The following ICA1 variants were observed in gnomAD, a reference collection of about 807,000 sequenced individuals.
The protein encoded by ICA1 is islet cell autoantigen 1.
A neutral mutation model predicts 71.0 loss-of-function variants in ICA1; 40 were observed. The observed-to-expected ratio is 0.56, with a 90% CI of 0.44 to 0.73. The LOEUF is 0.73. ICA1 is among the 30% of genes least tolerant of loss of function. ICA1 has a pLI of 0.00. For missense variants in ICA1, 578 were observed against 576.5 expected, an observed-to-expected ratio of 1.00 and a Z score of -0.03; for synonymous variants, 207 against 209.5, an observed-to-expected ratio of 0.99 and a Z score of 0.10.
intron 1 of ICA1, among the ~76,000 whole-genome samples, chr7:8,251,380 G>A (rs1178911546): frequency 6.6e-6 from 1 of 150,448 alleles, no homozygotes; most frequent in Non-Finnish European, 1.5e-5. Context: ...CCATGACTAT[G>A]TCACACACTT....
At chr7:8,157,540 T>G in intron 7 of ICA1, 1 of 277,222 alleles carries the variant, frequency 3.6e-6, no homozygotes. Flanking sequence ...CCTCAGCTGA[T>G]TCTATTTCTC....
intron 6 of ICA1, among the ~76,000 whole-genome samples, chr7:8,208,669 G>T (rs1200638964): frequency 1.3e-5 from 2 of 152,186 alleles, no homozygotes; most frequent in Non-Finnish European, 2.9e-5. Flanking sequence ...AGAGGCGAGA[G>T]ATAGTAACCA....
At chr7:8,125,362 T>A (rs1788777531) in intron 13 of ICA1, among the ~76,000 whole-genome samples, 1 of 152,206 alleles carries the variant, frequency 6.6e-6, no homozygotes, top group South Asian at 2.1e-4. Flanking sequence ...TGAAGACCCT[T>A]CACTGTGCCA....
intron 9 of ICA1, among the ~76,000 whole-genome samples, chr7:8,143,617 C>T (rs1369796543): frequency 6.6e-6 from 1 of 152,198 alleles, no homozygotes; most frequent in Admixed American, 6.5e-5. Context: ...GACATTTGCC[C>T]TGTCTTGTTC....
At chr7:8,162,526 G>A (rs944739722) in intron 6 of ICA1, among the ~76,000 whole-genome samples, 2 of 152,130 alleles carry the variant, frequency 1.3e-5, no homozygotes, top group African/African-American at 4.8e-5. Context: ...CCAAGCATAG[G>A]CCACTATCAA....
chr7:8,117,537 TTTTG>T (rs1350804350), intron 13 of ICA1, among the ~76,000 whole-genome samples: 4 of 152,348 alleles, frequency 2.6e-5, no homozygotes, highest in East Asian at 3.9e-4. Flanking sequence ...ACAAGGAATT[TTTTG>T]TTTTTCAATT....
intron 6 of ICA1, among the ~76,000 whole-genome samples, chr7:8,199,665 G>A (rs1585148638): frequency 6.6e-6 from 1 of 152,208 alleles, no homozygotes; most frequent in Non-Finnish European, 1.5e-5. Context: ...AGTGAGCCAA[G>A]ATCATGCCAC....
intron 3 of ICA1, among the ~76,000 whole-genome samples, chr7:8,231,809 T>A (rs1157272388): frequency 6.6e-6 from 1 of 152,192 alleles, no homozygotes; most frequent in Non-Finnish European, 1.5e-5. Flanking sequence ...CTTAACCCTC[T>A]CTGATGTAGA....
At chr7:8,255,608 C>A (rs377141259) in intron 1 of ICA1, among the ~76,000 whole-genome samples, 1 of 152,178 alleles carries the variant, frequency 6.6e-6, no homozygotes, top group African/African-American at 2.4e-5. Flanking sequence ...ATTTCCACCT[C>A]CAGATGGTAA....
intron 12 of ICA1, among the ~76,000 whole-genome samples, chr7:8,134,131 GC>G (rs1562581834): frequency 6.6e-6 from 1 of 152,148 alleles, no homozygotes; most frequent in East Asian, 1.9e-4. Flanking sequence ...TCCACTGGCA[GC>G]CAGGCACCAT....
chr7:8,174,542 C>T (rs1252800589), intron 6 of ICA1, among the ~76,000 whole-genome samples: 2 of 151,786 alleles, frequency 1.3e-5, no homozygotes, highest in African/African-American at 4.8e-5. Context: ...GCCTGTAATC[C>T]CAGCACTTTG....
chr7:8,174,291 T>C (rs551533961), intron 6 of ICA1, among the ~76,000 whole-genome samples: 4 of 152,272 alleles, frequency 2.6e-5, no homozygotes, highest in East Asian at 1.9e-4. Flanking sequence ...TCTGACTTAA[T>C]GGGTGATTGA....
intron 6 of ICA1, among the ~76,000 whole-genome samples, chr7:8,164,027 G>T (rs1387864685): frequency 6.6e-6 from 1 of 152,004 alleles, no homozygotes; most frequent in Admixed American, 6.5e-5. Context: ...ATAGATTTGG[G>T]CTGGGCTCAG....
At chr7:8,218,765 G>C (rs1796163017) in intron 5 of ICA1, 2 of 495,550 alleles carry the variant, frequency 4.0e-6, no homozygotes. Flanking sequence ...CGTTGTTGGG[G>C]GTGGTCTTGA....
intron 8 of ICA1, among the ~76,000 whole-genome samples, chr7:8,152,528 C>G (rs1799185893): frequency 6.9e-6 from 1 of 145,498 alleles, no homozygotes; most frequent in Non-Finnish European, 1.5e-5. Flanking sequence ...TCACCTCTTT[C>G]ACTACTGCTA....
chr7:8,230,946 A>C (rs760215911), intron 3 of ICA1, among the ~76,000 whole-genome samples: 2 of 152,178 alleles, frequency 1.3e-5, no homozygotes, highest in Non-Finnish European at 1.5e-5. Flanking sequence ...ATACGTCGTG[A>C]ATAGGCTAAC....
intron 6 of ICA1, among the ~76,000 whole-genome samples, chr7:8,180,931 C>T (rs1204864541): frequency 2.6e-5 from 4 of 151,674 alleles, no homozygotes; most frequent in African/African-American, 4.8e-5. Flanking sequence ...TCCCTCTCTG[C>T]AGTTTGTCCT....
intron 1 of ICA1, among the ~76,000 whole-genome samples, chr7:8,255,625 C>T (rs1367206838): frequency 6.6e-6 from 1 of 152,142 alleles, no homozygotes; most frequent in Non-Finnish European, 1.5e-5. Context: ...GTAATCTTCA[C>T]CTGGATTGTT....
chr7:8,141,844 TC>T, intron 9 of ICA1, 27 bp from the exon 10 acceptor site: 1 of 1,492,568 alleles, frequency 6.7e-7, no homozygotes, highest in Non-Finnish European at 9.3e-7. Flanking sequence ...GGTTTAGTCA[TC>T]AACTTCTACC....
Sources: allele counts gnomAD v4.1 joint callset (sites outside exome capture counted in the v4.1 genomes callset), GRCh38; gene constraint gnomAD v4.1.1; transcripts MANE v1.5; gene names NCBI Gene and HGNC (gene_info 2026-07-23, HGNC 2026-07-21).